HCN1: variants seen among roughly 807,000 people sequenced by gnomAD.
HCN1 encodes the protein potassium/sodium hyperpolarization-activated cyclic nucleotide-gated channel 1.
A neutral mutation model predicts 78.9 loss-of-function variants in HCN1; 13 were observed. The observed-to-expected ratio is 0.16, with a 90% confidence interval of 0.11 to 0.26. The LOEUF (loss-of-function observed/expected upper bound fraction) is 0.26. Ranked by LOEUF, HCN1 falls within the 10% of genes least tolerant of loss-of-function variation. The probability of loss-of-function intolerance (pLI) is 1.00; values close to 1 mark genes in which losing one functional copy is unlikely to be tolerated. For missense variants in HCN1, 810 were observed against 1,154.3 expected, an observed-to-expected ratio of 0.70 and a Z score of 4.32; for synonymous variants, 552 against 455.5, an observed-to-expected ratio of 1.21 and a Z score of -2.70.
intron 6 of HCN1, among the ~76,000 whole-genome samples, chr5:45,298,277 A>T (rs1256683050): frequency 1.3e-5 from 2 of 152,010 alleles, no homozygotes; most frequent in Non-Finnish European, 2.9e-5. Flanking sequence ...AGAAAGAAGA[A>T]CTTGGTCTTC....
At chr5:45,444,010 A>T (rs145576146) in intron 3 of HCN1, among the ~76,000 whole-genome samples, 16 of 152,312 alleles carry the variant, frequency 1.1e-4, no homozygotes, top group African/African-American at 3.8e-4. Flanking sequence ...TACTACACAG[A>T]GAAATGTGTT....
intron 2 of HCN1, among the ~76,000 whole-genome samples, chr5:45,604,504 G>A (rs756481751): frequency 2.0e-5 from 3 of 151,866 alleles, no homozygotes; most frequent in Non-Finnish European, 4.4e-5. Flanking sequence ...CAGCCATACA[G>A]GTGACAAAGC....
At chr5:45,392,022 A>C (rs1456229897) in intron 4 of HCN1, among the ~76,000 whole-genome samples, 1 of 152,102 alleles carries the variant, frequency 6.6e-6, no homozygotes, top group African/African-American at 2.4e-5. Flanking sequence ...TTAAGAATTT[A>C]AGGATCCTTA....
rs576338555 is a variant in HCN1 at position 45,503,808 on chromosome 5, G to A, written c.850-41801C>T. ...CCACCCCCTTAACCCTGCCCCAGGC[G>A]GAGTTTCATGCTTGTTGCCCAGGCT... On this transcript the variant is annotated intron_variant, in intron 2 of 7. Transcript: ENST00000303230. Among the ~76,000 whole-genome samples, 58 of 146,042 alleles carry A rather than the reference G, an allele frequency of 4.0e-4. 1 individual carries two copies. Among genetic ancestry groups the A allele is most frequent in the Middle Eastern group, 3.5e-3 (1 of 288 alleles).
intron 5 of HCN1, among the ~76,000 whole-genome samples, chr5:45,306,378 A>G (rs1372305342): frequency 6.6e-6 from 1 of 152,104 alleles, no homozygotes; most frequent in Non-Finnish European, 1.5e-5. Context: ...TTAATGATAC[A>G]TTGCATATCC....
At chr5:45,349,447 C>A (rs954047125) in intron 5 of HCN1, among the ~76,000 whole-genome samples, 8 of 152,158 alleles carry the variant, frequency 5.3e-5, no homozygotes, top group African/African-American at 1.9e-4. Flanking sequence ...GACACCCTAA[C>A]ATCACAATTA....
chr5:45,482,955 C>A lies in HCN1; in HGVS notation c.850-20948G>T, dbSNP rs191828667. 6.5e-4 allele frequency among the ~76,000 whole-genome samples: 99 copies of A among 152,228 alleles called. No homozygotes were observed. The East Asian group carries it at 0.017, about 26-fold the overall frequency. On this transcript the variant is annotated intron_variant, in intron 2 of 7. Coordinates refer to ENST00000303230, the MANE Select transcript of HCN1 (RefSeq NM_021072.4). Reference sequence around the variant, plus strand: ...ATATGATTTCATTTCTTTTAAATGGCAATATAGTATTCTATGGTGTATATG... The same window carrying A: ...ATATGATTTCATTTCTTTTAAATGGAAATATAGTATTCTATGGTGTATATG...
rs1424288202 is a variant in HCN1, at chr5:45,682,276, T to TATATATATATAC, written c.425+13392_425+13393insGTATATATATAT. ...GATATCATATATATATATATACATA[T>TATATATATATAC]ATATATATATATACACATATATATA... On this transcript the variant is annotated intron_variant, in intron 1 of 7. Transcript: ENST00000303230. Among the ~76,000 whole-genome samples the TATATATATATAC allele has an allele frequency of 6.5e-3, 737 of 112,590 alleles. 15 individuals are homozygous for TATATATATATAC. Among genetic ancestry groups the TATATATATATAC allele is most frequent in the African/African-American group, 0.024 (668 of 27,658 alleles). 73.9% of individuals were successfully genotyped at this position (112,590 alleles called of 152,430 possible).
intron 2 of HCN1, among the ~76,000 whole-genome samples, chr5:45,523,674 G>C (rs1742665407): frequency 6.6e-6 from 1 of 152,084 alleles, no homozygotes; most frequent in Non-Finnish European, 1.5e-5. Flanking sequence ...AGAGGTGTCT[G>C]TTCATGTCCT....
chr5:45,507,926 G>A (rs1363476767), intron 2 of HCN1, among the ~76,000 whole-genome samples: 1 of 152,012 alleles, frequency 6.6e-6, no homozygotes, highest in East Asian at 1.9e-4. Context: ...GACTTAAAGA[G>A]ACATATAACA....
chr5:45,317,076 C>A (rs1215375416), intron 5 of HCN1, among the ~76,000 whole-genome samples: 1 of 152,038 alleles, frequency 6.6e-6, no homozygotes, highest in Non-Finnish European at 1.5e-5. Flanking sequence ...CTTTAAAGTT[C>A]ATATGGGGCC....
chr5:45,657,251 T>A (rs774582256), intron 1 of HCN1, among the ~76,000 whole-genome samples: 4 of 152,188 alleles, frequency 2.6e-5, no homozygotes, highest in African/African-American at 7.2e-5. Flanking sequence ...TACAAACGAA[T>A]TCAATGAATA....
intron 2 of HCN1, among the ~76,000 whole-genome samples, chr5:45,532,034 C>T (rs557554939): frequency 6.6e-6 from 1 of 152,206 alleles, no homozygotes; most frequent in East Asian, 1.9e-4. Flanking sequence ...AGCAAGACTC[C>T]GTCTCAAAAT....
intron 3 of HCN1, among the ~76,000 whole-genome samples, chr5:45,425,428 A>G (rs1387575255): frequency 2.0e-5 from 3 of 152,234 alleles, no homozygotes; most frequent in Non-Finnish European, 4.4e-5. Context: ...TCTTGTTAAC[A>G]TATTAGTAAT....
intron 5 of HCN1, among the ~76,000 whole-genome samples, chr5:45,312,541 C>T (rs1477181863): frequency 1.3e-5 from 2 of 152,158 alleles, no homozygotes; most frequent in Non-Finnish European, 2.9e-5. Context: ...GTGCAGCCCA[C>T]TGAGCATGAA....
chr5:45,337,687 T>A (rs1028417436), intron 5 of HCN1, among the ~76,000 whole-genome samples: 2 of 152,016 alleles, frequency 1.3e-5, no homozygotes, highest in Non-Finnish European at 2.9e-5. Flanking sequence ...AATGAACAAA[T>A]AAATATTAAG....
chr5:45,308,748 AT>A (rs1279657644), intron 5 of HCN1, among the ~76,000 whole-genome samples: 1 of 152,134 alleles, frequency 6.6e-6, no homozygotes, highest in Non-Finnish European at 1.5e-5. Flanking sequence ...TACCAGTACC[AT>A]GCTGTTTTGG....
At chr5:45,475,352 G>C (rs1741491114) in intron 2 of HCN1, among the ~76,000 whole-genome samples, 1 of 151,944 alleles carries the variant, frequency 6.6e-6, no homozygotes, top group African/African-American at 2.4e-5. Flanking sequence ...ACTATTTTGA[G>C]CTTTTGAGAC....
At chr5:45,305,739 G>A (rs752391654) in intron 5 of HCN1, among the ~76,000 whole-genome samples, 5 of 149,948 alleles carry the variant, frequency 3.3e-5, no homozygotes, top group Non-Finnish European at 5.9e-5. Context: ...AGAAGGAAGG[G>A]ATAAAAGAAG....
Sources: gnomAD v4.1 joint callset for allele counts (sites outside exome capture counted in the v4.1 genomes callset) on GRCh38, gnomAD v4.1.1 for gene constraint, MANE v1.5 for transcripts, NCBI Gene and HGNC (gene_info 2026-07-23, HGNC 2026-07-21) for gene names.